TAT: variants seen among roughly 807,000 people sequenced by gnomAD.
TAT encodes tyrosine aminotransferase.
A neutral mutation model predicts 53.6 loss-of-function variants in TAT; 35 were observed. The ratio of observed to expected loss-of-function variants is 0.65; its 90% CI spans 0.50 to 0.87. TAT has a LOEUF of 0.87. TAT is among the 40% of genes least tolerant of loss of function. The pLI, the probability that TAT is intolerant of heterozygous loss-of-function variation, is 0.00. For synonymous variants in TAT, 197 were observed against 206.5 expected (o/e 0.95, Z 0.39); for missense variants, 525 against 571.8 (o/e 0.92, Z 0.83).
At chr16:71,574,174 G>A (rs865859345) in intron 3 of TAT, among the ~76,000 whole-genome samples, 4 of 152,238 alleles carry the variant, frequency 2.6e-5, no homozygotes, top group Non-Finnish European at 5.9e-5. Flanking sequence ...ATGATAACAA[G>A]GAAGAGCTCC....
Position 71,576,408 on chromosome 16 carries a change from G to GCTCATCT in TAT, c.7_8insAGATGAG (p.Pro3GlnfsTer92). 6.2e-7 allele frequency: 1 copy of GCTCATCT among 1,614,110 alleles called. No individual in the cohort carries two copies. The highest frequency in any genetic ancestry group is 8.5e-7 in the Non-Finnish European group (1 of 1,180,012). On this transcript the variant is annotated frameshift_variant, in exon 2 of 12. Coordinates refer to ENST00000355962, the MANE Select transcript of TAT (RefSeq NM_000353.3). LOFTEE classifies it high-confidence loss of function. The stretch of plus-strand genomic sequence containing the variant: ...TTTGCTGCTCATCTGAATCATGTAT[G>GCTCATCT]GGTCCATCACTAGCGAAGCCTGCGA...
At chr16:71,571,257 C>G (rs905853121) in intron 7 of TAT, among the ~76,000 whole-genome samples, 2 of 152,152 alleles carry the variant, frequency 1.3e-5, no homozygotes, top group Non-Finnish European at 2.9e-5. Context: ...GTAACACTCC[C>G]AGAGCTGTCT....
Position 71,571,611 on chromosome 16 carries a change from C to T in TAT, c.754G>A (p.Asp252Asn), listed in dbSNP as rs766814264. Residue 252 changes from aspartate (D) to asparagine (N), a missense_variant, in exon 7 of 12, where the codon GAC becomes AAC. By Grantham distance (23) the Asp-to-Asn change is conservative. Coordinates refer to ENST00000355962, the MANE Select transcript of TAT (RefSeq NM_000353.3). ...ATATCCTGATCAAGACTCACCATGT[C>T]TCCATAGATCTCATCAGCTAAGATG... ...VPILADEIYG[D>N]MVFSDCKYEP... is the part of the protein sequence containing the mutation. The T allele has an allele frequency of 1.2e-6, 2 of 1,613,962 alleles. No homozygotes were observed. The highest frequency in any genetic ancestry group is 3.3e-5 in the Admixed American group (2 of 60,022).
Position 71,570,356 on chromosome 16 carries a change from T to C in TAT, c.954A>G (p.Gly318=). ...GAGCTCCCTGGACAATGGTACAGGG[T>C]CCCAAAATGCGCTGACTCAGCTTCA... The part of the protein sequence containing the change: ...GLVKLSQRIL[G]PCTIVQGALK... The change falls in exon 9 of 12, where the codon GGA becomes GGG. Residue 318 remains glycine, a synonymous_variant. Transcript: ENST00000355962. 6.2e-7 allele frequency: 1 copy of C among 1,614,086 alleles called. No individual in the cohort carries two copies. Among genetic ancestry groups the C allele is most frequent in the Non-Finnish European group, 8.5e-7 (1 of 1,180,026 alleles).
chr16:71,568,527 A>AT, intron 11 of TAT, 184 bp downstream of exon 11: 2 of 696,362 alleles, frequency 2.9e-6, no homozygotes, highest in Non-Finnish European at 2.5e-6. Flanking sequence ...CCCAGTATGG[A>AT]TGGGATTATG....
rs145523816 is a variant in TAT, at chr16:71,568,229, A to G, written c.1280T>C (p.Met427Thr). 8.7e-6 allele frequency: 14 copies of G among 1,614,090 alleles called. No individual in the cohort carries two copies. Among genetic ancestry groups the G allele is most frequent in the Non-Finnish European group, 1.2e-5 (14 of 1,180,036 alleles). ...CTGGATCCGGCTGCACGCCTCCAGC[A>G]TCATCACCTCGGGGACTGTGATGAC... ...RVVITVPEVM[M>T]LEACSRIQEF... Residue 427 changes from methionine to threonine, a missense_variant, in exon 12 of 12, where the codon ATG becomes ACG. Physicochemically the swap from Met to Thr is moderately conservative, Grantham distance 81. Coordinates refer to ENST00000355962, the MANE Select transcript of TAT (RefSeq NM_000353.3).
Position 71,572,515 on chromosome 16 carries a change from TAA to T in TAT, c.567+13_567+14del. The T allele has an allele frequency of 6.2e-7, 1 of 1,614,160 alleles. No homozygotes were observed. Among genetic ancestry groups the T allele is most frequent in the Non-Finnish European group, 8.5e-7 (1 of 1,180,012 alleles). ...GTAACTGAGCATTTGAGTCTAAGAT[TAA>T]AAAGTCATTTACCAACAAATTGTAG... On this transcript the variant is annotated intron_variant, in intron 5 of 11. Coordinates refer to ENST00000355962, the MANE Select transcript of TAT (RefSeq NM_000353.3).
rs1382639903 is a variant in TAT at position 71,566,379 on chromosome 16, C to G, written c.*1765G>C. 6.6e-6 allele frequency: 1 copy of G among 151,496 alleles called. No individual in the cohort carries two copies. Among genetic ancestry groups the G allele is most frequent in the Non-Finnish European group, 1.5e-5 (1 of 67,938 alleles). The allele number at this position is 151,496 out of a possible 1,614,324, so 9.4% of individuals were successfully genotyped here. On this transcript the variant is annotated 3_prime_UTR_variant, in exon 12 of 12. Coordinates refer to ENST00000355962, the MANE Select transcript of TAT (RefSeq NM_000353.3). Reference sequence around the variant, plus strand: ...GACTAGTTATGATAGATTCCTAACCCCCAACCTTGAAAGGTAACTTAAGGC... The same window carrying G: ...GACTAGTTATGATAGATTCCTAACCGCCAACCTTGAAAGGTAACTTAAGGC...
chr16:71,566,108 A>T lies in TAT; in HGVS notation c.*2036T>A, dbSNP rs2145226634. ...AAAGAGGAGCCAGGCTTTTTTGGAA[A>T]ATTGGCGGCAGCGGTGGCATACGGG... On this transcript the variant is annotated 3_prime_UTR_variant, in exon 12 of 12. Coordinates refer to ENST00000355962, the MANE Select transcript of TAT (RefSeq NM_000353.3). The T allele has an allele frequency of 6.6e-6, 1 of 152,222 alleles. No homozygotes were observed. The highest frequency in any genetic ancestry group is 1.9e-4 in the East Asian group (1 of 5,182). The allele number at this position is 152,222 out of a possible 1,614,324, so 9.4% of individuals were successfully genotyped here.
At position 71,570,357 on chromosome 16, in the gene TAT, C is replaced by T; in HGVS notation, c.953G>A (p.Gly318Glu). 6.2e-7 allele frequency: 1 copy of T among 1,614,148 alleles called. No homozygotes were observed. Among genetic ancestry groups the T allele is most frequent in the Non-Finnish European group, 8.5e-7 (1 of 1,180,036 alleles). The change falls in exon 9 of 12, where the codon GGA becomes GAA. Residue 318 changes from glycine to glutamate, a missense_variant. By Grantham distance (98) the Gly-to-Glu change is moderately conservative. Coordinates refer to ENST00000355962, the MANE Select transcript of TAT (RefSeq NM_000353.3). ...GLVKLSQRIL[G>E]PCTIVQGALK... Reference sequence around the variant, plus strand: ...AGCTCCCTGGACAATGGTACAGGGTCCCAAAATGCGCTGACTCAGCTTCAC... The same window carrying T: ...AGCTCCCTGGACAATGGTACAGGGTTCCAAAATGCGCTGACTCAGCTTCAC...
At position 71,577,081 on chromosome 16, in the gene TAT, T is replaced by TA. The variant is rs1356299552; in HGVS notation, c.-86dup. 1.3e-5 allele frequency: 2 copies of TA among 152,858 alleles called. No homozygotes were observed. Among genetic ancestry groups the TA allele is most frequent in the African/African-American group, 4.8e-5 (2 of 41,262 alleles). The allele number at this position is 152,858 out of a possible 1,614,324, so 9.5% of individuals were successfully genotyped here. ...CTCCCTTAGCTCTTCTTTGACAGGT[T>TA]ACAGGGGCAATGAACTCAGATGCAA... is the stretch of plus-strand genomic sequence containing the variant. On this transcript the variant is annotated 5_prime_UTR_variant, in exon 1 of 12. Transcript: ENST00000355962.
Position 71,576,425 on chromosome 16 carries a change from A to T in TAT, c.-10T>A, listed in dbSNP as rs376128368. ...TCATGTATGGGTCCATCACTAGCGA[A>T]GCCTGCGAGGGGAAAGAAGTTCCCT... On this transcript the variant is annotated splice_region_variant and 5_prime_UTR_variant, in exon 2 of 12. Transcript: ENST00000355962. 3.1e-6 allele frequency: 5 copies of T among 1,613,678 alleles called. No individual in the cohort carries two copies. Among genetic ancestry groups the T allele is most frequent in the Non-Finnish European group, 4.2e-6 (5 of 1,179,724 alleles).
In TAT at chr16:71,570,802, C is replaced by T; in HGVS notation, c.789G>A (p.Leu263=). Reference sequence around the variant, plus strand: ...TGGGGACATCGGTGCTGAGGGTGGCCAGTGGTTCATATTTGCAATCCGAAA... The same window carrying T: ...TGGGGACATCGGTGCTGAGGGTGGCTAGTGGTTCATATTTGCAATCCGAAA... The part of the protein sequence containing the change: ...MVFSDCKYEP[L]ATLSTDVPIL... Residue 263 remains leucine (L), a synonymous_variant, in exon 8 of 12, where the codon CTG becomes CTA. Transcript: ENST00000355962. 6.2e-7 allele frequency: 1 copy of T among 1,614,096 alleles called. No individual in the cohort carries two copies. The highest frequency in any genetic ancestry group is 8.5e-7 in the Non-Finnish European group (1 of 1,180,018).
chr16:71,574,452 G>A lies in TAT; in HGVS notation c.341-846C>T, dbSNP rs767864979. On this transcript the variant is annotated intron_variant, in intron 3 of 11. Coordinates refer to ENST00000355962, the MANE Select transcript of TAT (RefSeq NM_000353.3). The stretch of plus-strand genomic sequence containing the variant: ...AAAAATTAGCTGGGCATTGTGGCGC[G>A]TGCCTGTAATCCGAGCTACTCAGGA... Among the ~76,000 whole-genome samples the A allele has an allele frequency of 5.9e-5, 9 of 151,986 alleles. No homozygotes were observed. In the South Asian group the frequency reaches 1.0e-3, roughly 18 times the overall value.
chr16:71,568,405 C>G (rs1404672304), intron 11 of TAT, 121 bp from the exon 12 acceptor site: 10 of 975,504 alleles, frequency 1.0e-5, no homozygotes, highest in Non-Finnish European at 1.6e-5. Flanking sequence ...TCAGTTCATT[C>G]AGCTCCCATG....
Position 71,575,902 on chromosome 16 carries a change from G to T in TAT, c.340+20C>A, listed in dbSNP as rs2044231654. ...AAAGATTTGGCAGTCACCAGGTATG[G>T]AGTCTCAGGAGGAGCTTACCGATGG... On this transcript the variant is annotated intron_variant, in intron 3 of 11. Transcript: ENST00000355962. The T allele has an allele frequency of 1.2e-6, 2 of 1,609,442 alleles. No homozygotes were observed. The highest frequency in any genetic ancestry group is 1.7e-6 in the Non-Finnish European group (2 of 1,175,944).
In TAT at chr16:71,567,943, A is replaced by C; in HGVS notation, c.*201T>G. The C allele has an allele frequency of 1.6e-6, 1 of 634,844 alleles. No individual in the cohort carries two copies. The highest frequency in any genetic ancestry group is 2.8e-6 in the Non-Finnish European group (1 of 353,750). 39.3% of individuals were successfully genotyped at this position (634,844 alleles called of 1,614,324 possible). ...TGAGTCACTCTAGCAGCGCAGAGCA[A>C]GGGAGAATCTGCGATGTGAATGAGG... On this transcript the variant is annotated 3_prime_UTR_variant, in exon 12 of 12. Transcript: ENST00000355962.
chr16:71,569,669 G>T (rs986837272), intron 10 of TAT, among the ~76,000 whole-genome samples, 185 bp downstream of exon 10: 1 of 152,196 alleles, frequency 6.6e-6, no homozygotes, highest in Non-Finnish European at 1.5e-5. Context: ...AGTTTTATGA[G>T]AACTGATAGA....
Position 71,572,258 on chromosome 16 carries a change from G to A in TAT, c.634C>T (p.Leu212Phe). The change falls in exon 6 of 12, where the codon CTC becomes TTC. Residue 212 changes from leucine (L) to phenylalanine (F), a missense_variant. Coordinates refer to ENST00000355962, the MANE Select transcript of TAT (RefSeq NM_000353.3). ...EYLIDEKTACLIVNNPSNPCG... is the reference protein window; with the variant it reads ...EYLIDEKTACFIVNNPSNPCG... ...GGGTTTGATGGATTATTGACAATGA[G>A]ACAAGCTGTCTTTTCATCAATTAGA... is the stretch of plus-strand genomic sequence containing the variant. The A allele has an allele frequency of 6.2e-7, 1 of 1,614,202 alleles. No homozygotes were observed. The highest frequency in any genetic ancestry group is 8.5e-7 in the Non-Finnish European group (1 of 1,180,006).
Sources: allele counts gnomAD v4.1 joint callset (sites outside exome capture counted in the v4.1 genomes callset), GRCh38; gene constraint gnomAD v4.1.1; transcripts MANE v1.5; gene names NCBI Gene and HGNC (gene_info 2026-07-23, HGNC 2026-07-21).